Variants in TOX observed in about 807,000 individuals in gnomAD.
The protein encoded by TOX is thymocyte selection-associated high mobility group box protein TOX.
Under a neutral mutation model 53.7 loss-of-function variants are expected in TOX, and 11 were observed. The observed-to-expected ratio is 0.20, with a 90% confidence interval of 0.13 to 0.34. The LOEUF is 0.34. TOX is among the 10% of genes least tolerant of loss of function. The pLI is 1.00. For missense variants in TOX, 570 were observed against 664.6 expected, an observed-to-expected ratio of 0.86 and a Z score of 1.56; for synonymous variants, 225 against 245.3, an observed-to-expected ratio of 0.92 and a Z score of 0.77.
intron 7 of TOX, among the ~76,000 whole-genome samples, chr8:58,809,022 C>T (rs914883061): frequency 6.6e-6 from 1 of 152,132 alleles, no homozygotes; most frequent in African/African-American, 2.4e-5. Flanking sequence ...TTAATCCTAG[C>T]GAAGCTATTA....
chr8:58,840,118 G>A (rs747862532), intron 4 of TOX, among the ~76,000 whole-genome samples: 2 of 152,164 alleles, frequency 1.3e-5, no homozygotes, highest in African/African-American at 2.4e-5. Flanking sequence ...ATTAATATGT[G>A]ATACCTTATA....
intron 3 of TOX, among the ~76,000 whole-genome samples, chr8:58,926,868 G>C (rs1486534049): frequency 2.4e-5 from 2 of 84,602 alleles, no homozygotes; most frequent in Non-Finnish European, 4.8e-5. Context: ...CAGAAGACTG[G>C]TATAATTTAA....
At chr8:59,056,125 A>G (rs1803884325) in intron 1 of TOX, among the ~76,000 whole-genome samples, 1 of 151,988 alleles carries the variant, frequency 6.6e-6, no homozygotes, top group South Asian at 2.1e-4. Flanking sequence ...TAAACCAAGG[A>G]CCCCAAGAAT....
intron 1 of TOX, among the ~76,000 whole-genome samples, chr8:59,034,716 G>A (rs1437935996): frequency 6.6e-6 from 1 of 152,148 alleles, no homozygotes; most frequent in Non-Finnish European, 1.5e-5. Context: ...TTTGCATTTG[G>A]ATGTTTGAGA....
intron 3 of TOX, among the ~76,000 whole-genome samples, chr8:58,905,311 C>T (rs1412112604): frequency 2.0e-5 from 3 of 152,182 alleles, no homozygotes; most frequent in African/African-American, 4.8e-5. Context: ...CACAGAGGAA[C>T]AATTATATTC....
chr8:59,050,500 A>G (rs1029250641), intron 1 of TOX, among the ~76,000 whole-genome samples: 2 of 152,154 alleles, frequency 1.3e-5, no homozygotes, highest in African/African-American at 4.8e-5. Context: ...AATTAAGTAG[A>G]ATCAAAATTA....
At chr8:58,856,829 T>C (rs1348262651) in intron 3 of TOX, among the ~76,000 whole-genome samples, 3 of 151,546 alleles carry the variant, frequency 2.0e-5, no homozygotes, top group African/African-American at 7.3e-5. Flanking sequence ...GACCAAGACA[T>C]GGCACCATAA....
At chr8:58,922,950 T>C (rs773288838) in intron 3 of TOX, among the ~76,000 whole-genome samples, 5 of 151,502 alleles carry the variant, frequency 3.3e-5, no homozygotes, top group Admixed American at 6.6e-5. Flanking sequence ...GTGTTCCCAA[T>C]AGAGGGATGG....
At position 58,941,881 on chromosome 8, in the gene TOX, C is replaced by T. The variant is rs574540123; in HGVS notation, c.169-2337G>A. Among the ~76,000 whole-genome samples, 57 of 151,928 alleles carry T rather than the reference C, an allele frequency of 3.8e-4. No homozygotes were observed. In the South Asian group the frequency reaches 0.011, roughly 31 times the overall value. ...CAGCCTGGTCAATATGGTGAAACCC[C>T]ATCTCTATTAAAAATACAAAAATTA... On this transcript the variant is annotated intron_variant, in intron 2 of 8. Transcript: ENST00000361421.
In TOX at chr8:58,887,441, G is replaced by C. The variant is rs547330154; in HGVS notation, c.412-35636C>G. 3.3e-5 allele frequency among the ~76,000 whole-genome samples: 5 copies of C among 151,950 alleles called. No homozygotes were observed. In the East Asian group the frequency reaches 7.7e-4, roughly 23 times the overall value. On this transcript the variant is annotated intron_variant, in intron 3 of 8. Coordinates refer to ENST00000361421, the MANE Select transcript of TOX (RefSeq NM_014729.3). ...TACATGCTGCTGTTTTTATTGGGGAGAGGGACAACTTTCACAACTTTTTCA... is the reference window on the plus strand; with the variant it reads ...TACATGCTGCTGTTTTTATTGGGGACAGGGACAACTTTCACAACTTTTTCA...
chr8:59,088,159 T>C (rs1271529908), intron 1 of TOX, among the ~76,000 whole-genome samples: 1 of 152,228 alleles, frequency 6.6e-6, no homozygotes, highest in Non-Finnish European at 1.5e-5. Flanking sequence ...AAAGAAGGAA[T>C]AAGACGTTAA....
chr8:58,848,323 G>T (rs976316148), intron 4 of TOX, among the ~76,000 whole-genome samples: 1 of 151,776 alleles, frequency 6.6e-6, no homozygotes, highest in Non-Finnish European at 1.5e-5. Context: ...GGAAAAAAAA[G>T]AAACATAAAA....
chr8:58,843,954 C>T (rs1239674434), intron 4 of TOX, among the ~76,000 whole-genome samples: 3 of 152,146 alleles, frequency 2.0e-5, no homozygotes, highest in Admixed American at 6.6e-5. Flanking sequence ...ATACTTGGCT[C>T]TTATGACCAC....
intron 7 of TOX, among the ~76,000 whole-genome samples, chr8:58,813,049 T>G (rs1810110095): frequency 6.6e-6 from 1 of 152,242 alleles, no homozygotes. Flanking sequence ...TGTAATCAGG[T>G]CTTCCCATCT....
chr8:58,858,158 T>C (rs1482999595), intron 3 of TOX, among the ~76,000 whole-genome samples: 1 of 152,164 alleles, frequency 6.6e-6, no homozygotes, highest in Admixed American at 6.5e-5. Context: ...AAGATTTTGG[T>C]GTAACTGGAA....
intron 1 of TOX, among the ~76,000 whole-genome samples, chr8:59,114,570 T>C (rs1805069417): frequency 6.6e-6 from 1 of 152,188 alleles, no homozygotes; most frequent in South Asian, 2.1e-4. Context: ...TAATTATATA[T>C]ATGTGATGTA....
chr8:59,013,087 T>C (rs1160334309), intron 1 of TOX, among the ~76,000 whole-genome samples: 2 of 152,206 alleles, frequency 1.3e-5, no homozygotes, highest in Admixed American at 6.5e-5. Context: ...TACCTATTCC[T>C]TCATAGAACT....
In TOX at chr8:58,818,042, A is replaced by C. The variant is rs1284048956; in HGVS notation, c.1006-2318T>G. 2.6e-5 allele frequency among the ~76,000 whole-genome samples: 4 copies of C among 152,332 alleles called. No individual in the cohort carries two copies. The East Asian group carries it at 7.7e-4, about 29-fold the overall frequency. Reference sequence around the variant, plus strand: ...AGATGATAGATAAGCAGAGGTAGAGATGGAATAGATGTACAGATTTACAGA... The same window carrying C: ...AGATGATAGATAAGCAGAGGTAGAGCTGGAATAGATGTACAGATTTACAGA... On this transcript the variant is annotated intron_variant, in intron 6 of 8. Transcript: ENST00000361421.
chr8:58,818,048 T>C (rs1810210335), intron 6 of TOX, among the ~76,000 whole-genome samples: 1 of 152,198 alleles, frequency 6.6e-6, no homozygotes, highest in Admixed American at 6.5e-5. Context: ...AGAGATGGAA[T>C]AGATGTACAG....
Sources: gnomAD v4.1 joint callset for allele counts (sites outside exome capture counted in the v4.1 genomes callset) on GRCh38, gnomAD v4.1.1 for gene constraint, MANE v1.5 for transcripts, NCBI Gene and HGNC (gene_info 2026-07-23, HGNC 2026-07-21) for gene names.